The following C1orf94 variants were observed in gnomAD, a reference collection of about 807,000 sequenced individuals.
C1orf94 encodes the protein chromosome 1 open reading frame 94, also known as uncharacterized protein C1orf94.
Under a neutral mutation model 53.6 loss-of-function variants are expected in C1orf94, and 45 were observed. The ratio of observed to expected loss-of-function variants is 0.84; its 90% CI spans 0.66 to 1.08. The LOEUF is 1.08. Among genes scored for constraint, C1orf94 ranks in the 50% least tolerant of loss-of-function variants. The pLI is 0.00. For missense variants in C1orf94, 762 were observed against 738.9 expected (o/e 1.03, Z -0.36); for synonymous variants, 304 against 296.1 (o/e 1.03, Z -0.27).
At chr1:34,213,326 T>A (rs1026602894) in intron 6 of C1orf94, among the ~76,000 whole-genome samples, 3 of 152,216 alleles carry the variant, frequency 2.0e-5, no homozygotes, top group Non-Finnish European at 4.4e-5. Context: ...AATCAGTATT[T>A]TCTCCAAATA....
intron 1 of C1orf94, among the ~76,000 whole-genome samples, chr1:34,179,751 T>TG (rs1335938583): frequency 2.6e-5 from 4 of 152,110 alleles, no homozygotes; most frequent in Non-Finnish European, 4.4e-5. Flanking sequence ...TTGTTGTTGT[T>TG]TTTGTTGTTG....
Position 34,177,657 on chromosome 1 carries a change from A to C in C1orf94, c.-133A>C. ...ATCAAAATAAGCCCTCCCCTCCCCAAAAGAAAGCTGTCCTCCACCCACCCC... is the reference window on the plus strand; with the variant it reads ...ATCAAAATAAGCCCTCCCCTCCCCACAAGAAAGCTGTCCTCCACCCACCCC... On this transcript the variant is annotated 5_prime_UTR_variant, in exon 1 of 7. Coordinates refer to ENST00000488417, the MANE Select transcript of C1orf94 (RefSeq NM_001134734.2). The C allele has an allele frequency of 1.3e-6, 1 of 793,162 alleles. No individual in the cohort carries two copies. Among genetic ancestry groups the C allele is most frequent in the Non-Finnish European group, 1.9e-6 (1 of 517,420 alleles). 49.1% of individuals were successfully genotyped at this position (793,162 alleles called of 1,614,324 possible).
chr1:34,208,029 C>G, intron 4 of C1orf94, 128 bp from the exon 5 acceptor site: 1 of 853,992 alleles, frequency 1.2e-6, no homozygotes, highest in Non-Finnish European at 1.8e-6. Context: ...TGGCCTCAGA[C>G]AGCCCATGGG....
intron 1 of C1orf94, among the ~76,000 whole-genome samples, chr1:34,185,097 G>A (rs761228024): frequency 2.6e-5 from 4 of 152,130 alleles, no homozygotes; most frequent in Admixed American, 6.5e-5. Flanking sequence ...CAGAGACCCC[G>A]TGGGCCACAA....
At chr1:34,209,787 T>C (rs1474403934) in intron 5 of C1orf94, among the ~76,000 whole-genome samples, 2 of 152,172 alleles carry the variant, frequency 1.3e-5, no homozygotes, top group Non-Finnish European at 2.9e-5. Context: ...TCAGCCCCAT[T>C]GCCTCCACCC....
Position 34,198,053 on chromosome 1 carries a change from GAGGGACGGGCTGTTTCCAGCCCCCAC to G in C1orf94, c.1009+144_1009+169del. Reference sequence around the variant, plus strand: ...CAGCCTCTCTGGTGGGCACAGCCCCGAGGGACGGGCTGTTTCCAGCCCCCACAGGCTTATTTTGCTGGGTTCCCCTG... The same window carrying G: ...CAGCCTCTCTGGTGGGCACAGCCCCGAGGCTTATTTTGCTGGGTTCCCCTG... On this transcript the variant is annotated intron_variant, in intron 2 of 6. Transcript: ENST00000488417. 3 of 954,662 alleles carry G rather than the reference GAGGGACGGGCTGTTTCCAGCCCCCAC, an allele frequency of 3.1e-6. No individual in the cohort carries two copies. In the South Asian group the frequency reaches 5.3e-5, roughly 17 times the overall value. 59.1% of individuals were successfully genotyped at this position (954,662 alleles called of 1,614,324 possible). A position where few individuals can be genotyped will look rare whatever the true frequency, so the allele number is the denominator to read the frequency against.
chr1:34,206,390 C>T (rs1160241576), intron 4 of C1orf94, among the ~76,000 whole-genome samples: 1 of 152,180 alleles, frequency 6.6e-6, no homozygotes, highest in Non-Finnish European at 1.5e-5. Flanking sequence ...TCAGCTGCTG[C>T]AACTTAGGCT....
intron 1 of C1orf94, among the ~76,000 whole-genome samples, chr1:34,194,230 C>T (rs1442692697): frequency 1.3e-5 from 2 of 152,216 alleles, no homozygotes; most frequent in Non-Finnish European, 2.9e-5. Flanking sequence ...CTCGAGGGCC[C>T]ACTATGCACC....
Position 34,208,257 on chromosome 1 carries a change from T to A in C1orf94, c.1524+23T>A, listed in dbSNP as rs79398834. On this transcript the variant is annotated intron_variant, in intron 5 of 6. Coordinates refer to ENST00000488417, the MANE Select transcript of C1orf94 (RefSeq NM_001134734.2). ...CAGGTGAGTAGACGATCTCTCCTCC[T>A]CTGTCCTGGGTCCATGAAGGCCTTT... 467 of 1,610,338 alleles carry A rather than the reference T, an allele frequency of 2.9e-4. 2 individuals carry two copies. In the East Asian group the frequency reaches 8.9e-3, roughly 31 times the overall value.
intron 1 of C1orf94, among the ~76,000 whole-genome samples, chr1:34,190,595 T>A (rs1368931347): frequency 2.6e-5 from 4 of 152,348 alleles, no homozygotes; most frequent in Non-Finnish European, 4.4e-5. Context: ...AGAAGCCTCT[T>A]CTGCTCTCCT....
chr1:34,197,344 C>A lies in C1orf94; in HGVS notation c.440C>A (p.Pro147His). 6.3e-7 allele frequency: 1 copy of A among 1,595,182 alleles called. No individual in the cohort carries two copies. The highest frequency in any genetic ancestry group is 8.5e-7 in the Non-Finnish European group (1 of 1,170,472). The change falls in exon 2 of 7, where the codon CCC becomes CAC. Residue 147 changes from proline to histidine, a missense_variant. Coordinates refer to ENST00000488417, the MANE Select transcript of C1orf94 (RefSeq NM_001134734.2). The surrounding 1 kb of genome is among the most constrained non-coding windows in gnomAD (Gnocchi z 4.1). ...GAGAGTTCTGGGGAGCTGGAGGTACCCGGCAGCTCTCCCGAGGGGACCAGA... is the reference window on the plus strand; with the variant it reads ...GAGAGTTCTGGGGAGCTGGAGGTACACGGCAGCTCTCCCGAGGGGACCAGA... ...VEESSGELEV[P>H]GSSPEGTREL...
upstream of C1orf94, among the ~76,000 whole-genome samples, chr1:34,173,017 A>C (rs1407364383): frequency 6.6e-6 from 1 of 152,264 alleles, no homozygotes; most frequent in Non-Finnish European, 1.5e-5. Context: ...GATTAGTCCC[A>C]CAATACAAAG....
chr1:34,212,792 C>T (rs374181548), intron 6 of C1orf94, among the ~76,000 whole-genome samples: 93 of 152,238 alleles, frequency 6.1e-4, no homozygotes, highest in East Asian at 4.3e-3. Flanking sequence ...TCCCACTGTC[C>T]GCACCCTGAT....
upstream of C1orf94, among the ~76,000 whole-genome samples, chr1:34,175,953 A>AT (rs1420987624): frequency 1.3e-5 from 2 of 151,782 alleles, no homozygotes; most frequent in African/African-American, 2.4e-5. Flanking sequence ...CCTAATAGTT[A>AT]TTTTCCATCA....
intron 4 of C1orf94, among the ~76,000 whole-genome samples, chr1:34,206,254 G>A (rs953446336): frequency 2.6e-5 from 4 of 152,208 alleles, no homozygotes; most frequent in African/African-American, 9.6e-5. Flanking sequence ...CCTACTGTAT[G>A]GGCTCCTGTG....
chr1:34,208,295 G>A (rs1642833314), intron 5 of C1orf94, 61 bp downstream of exon 5: 1 of 1,509,958 alleles, frequency 6.6e-7, no homozygotes, highest in South Asian at 1.2e-5. Flanking sequence ...GTCAGAGGGT[G>A]CATCTGCTCC....
chr1:34,191,433 C>T (rs1429507640), intron 1 of C1orf94, among the ~76,000 whole-genome samples: 12 of 152,068 alleles, frequency 7.9e-5, no homozygotes, highest in Admixed American at 2.6e-4. Context: ...CCCCATTAAA[C>T]GGTGGGGATT....
intron 1 of C1orf94, 127 bp downstream of exon 1, chr1:34,178,236 A>G (rs750572): frequency 0.14 from 139,950 of 1,014,440 alleles, 10,677 homozygotes; most frequent in African/African-American, 0.24. Flanking sequence ...TGCCCCCTCC[A>G]TGGTCCTTTG....
At position 34,197,682 on chromosome 1, in the gene C1orf94, C is replaced by T. The variant is rs745800030; in HGVS notation, c.778C>T (p.Leu260=). ...TSKVPDNKNV[L]DKTRVTKDFL... is the part of the protein sequence containing the mutation. ...CAAGGTCCCTGACAACAAGAATGTG[C>T]TGGACAAGACAAGGGTCACCAAGGA... is the stretch of plus-strand genomic sequence containing the variant. The change falls in exon 2 of 7, where the codon CTG becomes TTG. Residue 260 remains leucine, a synonymous_variant. Coordinates refer to ENST00000488417, the MANE Select transcript of C1orf94 (RefSeq NM_001134734.2). The surrounding 1 kb of genome is among the most constrained non-coding windows in gnomAD (Gnocchi z 4.1). 3 of 1,614,134 alleles carry T rather than the reference C, an allele frequency of 1.9e-6. No homozygotes were observed. Among genetic ancestry groups the T allele is most frequent in the African/African-American group, 2.7e-5 (2 of 75,052 alleles).
Sources: allele counts gnomAD v4.1 joint callset (sites outside exome capture counted in the v4.1 genomes callset), GRCh38; gene constraint gnomAD v4.1.1; non-coding constraint Gnocchi (gnomAD v3.1); transcripts MANE v1.5; gene names NCBI Gene and HGNC (gene_info 2026-07-23, HGNC 2026-07-21).